The following NBEA variants were observed in gnomAD, a reference collection of about 807,000 sequenced individuals.
The protein encoded by NBEA is neurobeachin.
A neutral mutation model predicts 343.4 loss-of-function variants in NBEA; 44 were observed. That is an observed-to-expected ratio of 0.13 (90% CI 0.10 to 0.16). The LOEUF is 0.16. Among genes scored for constraint, NBEA ranks in the 10% least tolerant of loss-of-function variants. The pLI, the probability that NBEA is intolerant of heterozygous loss-of-function variation, is 1.00. For missense variants in NBEA, 2,555 were observed against 3,631.3 expected (o/e 0.70, Z 7.62); for synonymous variants, 1,175 against 1,238.7 (o/e 0.95, Z 1.08).
chr13:35,054,822 T>G (rs2063193363), intron 6 of NBEA, among the ~76,000 whole-genome samples: 1 of 152,020 alleles, frequency 6.6e-6, no homozygotes, highest in Non-Finnish European at 1.5e-5. Context: ...TTTTGTATTT[T>G]TAGTAGACAC....
chr13:35,258,819 A>G (rs2032923123), intron 34 of NBEA, among the ~76,000 whole-genome samples: 1 of 152,206 alleles, frequency 6.6e-6, no homozygotes, highest in South Asian at 2.1e-4. Flanking sequence ...AACGGTATGT[A>G]TTCAGTGGAA....
intron 37 of NBEA, among the ~76,000 whole-genome samples, chr13:35,350,435 T>TA (rs1418296015): frequency 2.0e-5 from 3 of 152,022 alleles, no homozygotes; most frequent in Admixed American, 2.0e-4. Flanking sequence ...TTTTTGTACT[T>TA]ACATACATTT....
At chr13:34,960,147 G>A (rs797001835) in intron 1 of NBEA, among the ~76,000 whole-genome samples, 3 of 152,036 alleles carry the variant, frequency 2.0e-5, no homozygotes, top group African/African-American at 7.2e-5. Flanking sequence ...GGAAGACAGT[G>A]TTCTTGAAGA....
chr13:35,409,938 T>C (rs903178901), intron 38 of NBEA, among the ~76,000 whole-genome samples: 3 of 152,184 alleles, frequency 2.0e-5, no homozygotes, highest in African/African-American at 7.2e-5. Flanking sequence ...GTATAGGTTA[T>C]ACCATCTAAC....
intron 41 of NBEA, among the ~76,000 whole-genome samples, chr13:35,518,276 ATATT>A (rs1382956385): frequency 9.2e-5 from 14 of 152,174 alleles, no homozygotes; most frequent in African/African-American, 3.4e-4. Context: ...ACTTTATTAT[ATATT>A]TAGATATATC....
At chr13:35,274,043 C>G (rs1014008931) in intron 34 of NBEA, among the ~76,000 whole-genome samples, 1 of 152,152 alleles carries the variant, frequency 6.6e-6, no homozygotes, top group African/African-American at 2.4e-5. Flanking sequence ...GATACCAAAG[C>G]CTGGCAGAGA....
At chr13:35,419,194 G>C (rs2044128282) in intron 38 of NBEA, among the ~76,000 whole-genome samples, 2 of 152,088 alleles carry the variant, frequency 1.3e-5, no homozygotes, top group South Asian at 4.1e-4. Flanking sequence ...CCATAAACTA[G>C]GTAGCTTATG....
intron 38 of NBEA, among the ~76,000 whole-genome samples, chr13:35,411,019 C>T (rs142367934): frequency 0.013 from 2,055 of 152,256 alleles, 60 homozygotes; most frequent in African/African-American, 0.047. Flanking sequence ...CCTTGAGCAT[C>T]CCACAAAACT....
intron 11 of NBEA, among the ~76,000 whole-genome samples, chr13:35,104,994 T>A (rs2065843871): frequency 6.6e-6 from 1 of 151,818 alleles, no homozygotes; most frequent in Non-Finnish European, 1.5e-5. Flanking sequence ...TCAACCTAGG[T>A]TTTTGAGAAG....
intron 58 of NBEA, among the ~76,000 whole-genome samples, chr13:35,670,071 G>A (rs1271548075): frequency 6.6e-6 from 1 of 152,154 alleles, no homozygotes; most frequent in African/African-American, 2.4e-5. Flanking sequence ...AATGAATAGT[G>A]CATGCATATC....
At chr13:35,419,413 G>A (rs2044140396) in intron 38 of NBEA, among the ~76,000 whole-genome samples, 1 of 151,960 alleles carries the variant, frequency 6.6e-6, no homozygotes, top group Admixed American at 6.6e-5. Flanking sequence ...TTTCTTTCAT[G>A]ACCTAATTAC....
rs1027299731 is a variant in NBEA at position 35,337,784 on chromosome 13, C to A, written c.5904-11324C>A. Among the ~76,000 whole-genome samples the A allele has an allele frequency of 1.4e-4, 22 of 152,048 alleles. No homozygotes were observed. In the South Asian group the frequency reaches 2.1e-3, roughly 14 times the overall value. ...AAGCATGCATTTTATCTTCTCCAAC[C>A]ACAATGGATTGGAATTTGAAATCAG... On this transcript the variant is annotated intron_variant, in intron 36 of 58. Coordinates refer to ENST00000379939, the MANE Select transcript of NBEA (RefSeq NM_001385012.1).
chr13:35,040,188 A>G (rs1306435406), intron 1 of NBEA, among the ~76,000 whole-genome samples: 1 of 152,212 alleles, frequency 6.6e-6, no homozygotes, highest in South Asian at 2.1e-4. Flanking sequence ...AATAGTTCCT[A>G]TGGGATTCGA....
chr13:35,225,719 T>C (rs903090525), intron 33 of NBEA, among the ~76,000 whole-genome samples: 1 of 152,140 alleles, frequency 6.6e-6, no homozygotes, highest in East Asian at 1.9e-4. Flanking sequence ...CTTAATGTGG[T>C]GCCCAGTGCT....
chr13:35,317,121 C>T (rs1298149976), intron 36 of NBEA, among the ~76,000 whole-genome samples: 1 of 152,112 alleles, frequency 6.6e-6, no homozygotes, highest in Non-Finnish European at 1.5e-5. Flanking sequence ...TTCCTTAGAT[C>T]CCATTTGTCA....
chr13:35,573,637 T>G (rs1777665), intron 45 of NBEA, among the ~76,000 whole-genome samples: 67,540 of 151,924 alleles, frequency 0.44, 16,981 homozygotes, highest in Admixed American at 0.6. Context: ...TCCTTCCCAC[T>G]TAGCCAGCTG....
At chr13:35,518,048 A>T (rs1344535148) in intron 41 of NBEA, among the ~76,000 whole-genome samples, 1 of 152,098 alleles carries the variant, frequency 6.6e-6, no homozygotes, top group Non-Finnish European at 1.5e-5. Context: ...ACATTTATAC[A>T]TTGCAATTTA....
intron 36 of NBEA, among the ~76,000 whole-genome samples, chr13:35,323,857 T>TTACC (rs2038354834): frequency 1.3e-5 from 2 of 152,182 alleles, no homozygotes; most frequent in Admixed American, 1.3e-4. Context: ...AATGAGAAAG[T>TTACC]TACCTATTTT....
At chr13:35,515,475 C>A (rs1202110785) in intron 41 of NBEA, among the ~76,000 whole-genome samples, 9 of 152,134 alleles carry the variant, frequency 5.9e-5, no homozygotes, top group Non-Finnish European at 2.9e-5. Flanking sequence ...AGGTTTTATT[C>A]TTTGTGTATA....
Sources: allele counts gnomAD v4.1 joint callset (sites outside exome capture counted in the v4.1 genomes callset), GRCh38; gene constraint gnomAD v4.1.1; transcripts MANE v1.5; gene names NCBI Gene and HGNC (gene_info 2026-07-23, HGNC 2026-07-21).